TAOK1: variants seen among roughly 807,000 people sequenced by gnomAD.
The protein encoded by TAOK1 is TAO kinase 1.
A neutral mutation model predicts 138.3 loss-of-function variants in TAOK1; 21 were observed. That is an observed-to-expected ratio of 0.15 (90% CI 0.11 to 0.22). The LOEUF (loss-of-function observed/expected upper bound fraction) is 0.22. Among genes scored for constraint, TAOK1 ranks in the 10% least tolerant of loss-of-function variants. The pLI, the probability that TAOK1 is intolerant of heterozygous loss-of-function variation, is 1.00. For synonymous variants in TAOK1, 361 were observed against 398.4 expected (o/e 0.91, Z 1.12); for missense variants, 651 against 1,227.7 (o/e 0.53, Z 7.02).
chr17:29,436,094 C>T (rs1567717842), intron 1 of TAOK1, among the ~76,000 whole-genome samples: 1 of 152,204 alleles, frequency 6.6e-6, no homozygotes, highest in Non-Finnish European at 1.5e-5. Context: ...TGAGCCACTG[C>T]ACTCCAGCCT....
intron 18 of TAOK1, among the ~76,000 whole-genome samples, chr17:29,533,019 TGACCCCCA>T (rs2032152192): frequency 1.3e-4 from 1 of 7,790 alleles, no homozygotes. Flanking sequence ...GGCGGGGGGC[TGACCCCCA>T]CCTCCCTCCC....
At chr17:29,428,681 T>C (rs1361501369) in intron 1 of TAOK1, among the ~76,000 whole-genome samples, 3 of 152,248 alleles carry the variant, frequency 2.0e-5, no homozygotes, top group Admixed American at 6.6e-5. Flanking sequence ...TTACTCAGGC[T>C]GGAGTGCAGT....
At chr17:29,459,560 A>T (rs1366026756) in intron 2 of TAOK1, among the ~76,000 whole-genome samples, 1 of 152,074 alleles carries the variant, frequency 6.6e-6, no homozygotes, top group Non-Finnish European at 1.5e-5. Flanking sequence ...TACAGGCATG[A>T]GTCACCACAC....
At chr17:29,426,180 A>G (rs1324924604) in intron 1 of TAOK1, among the ~76,000 whole-genome samples, 1 of 152,154 alleles carries the variant, frequency 6.6e-6, no homozygotes, top group Non-Finnish European at 1.5e-5. Context: ...GCACCCGGCC[A>G]AGAATGAATC....
At position 29,543,257 on chromosome 17, in the gene TAOK1, T is replaced by C. The variant is rs775782408; in HGVS notation, c.*235T>C. 7.4e-6 allele frequency: 3 copies of C among 403,120 alleles called. No individual in the cohort carries two copies. The South Asian group carries it at 1.3e-4, about 18-fold the overall frequency. The allele number at this position is 403,120 out of a possible 1,614,324, so 25.0% of individuals were successfully genotyped here. A position where few individuals can be genotyped will look rare whatever the true frequency, so the allele number is the denominator to read the frequency against. On this transcript the variant is annotated 3_prime_UTR_variant, in exon 20 of 20. Coordinates refer to ENST00000261716, the MANE Select transcript of TAOK1 (RefSeq NM_020791.4). ...GAAATTTTGAAAAGTGGAGTTGATATTAAAAATAAATGTGTATGTGTGTAC... is the reference window on the plus strand; with the variant it reads ...GAAATTTTGAAAAGTGGAGTTGATACTAAAAATAAATGTGTATGTGTGTAC...
intron 2 of TAOK1, among the ~76,000 whole-genome samples, chr17:29,453,910 G>T (rs1179400281): frequency 6.6e-6 from 1 of 151,264 alleles, no homozygotes; most frequent in Non-Finnish European, 1.5e-5. Flanking sequence ...GTGGGCTCAG[G>T]TGTTCCTCCC....
chr17:29,526,494 C>T (rs575552766), intron 17 of TAOK1, among the ~76,000 whole-genome samples: 13 of 152,090 alleles, frequency 8.5e-5, no homozygotes, highest in Non-Finnish European at 1.8e-4. Context: ...CGGCTCACTG[C>T]AACCTCTGCC....
chr17:29,496,973 G>A (rs982678080), intron 11 of TAOK1, among the ~76,000 whole-genome samples: 3 of 152,024 alleles, frequency 2.0e-5, no homozygotes, highest in Admixed American at 6.6e-5. Flanking sequence ...AGGAACATGG[G>A]TTCAAATTCA....
At chr17:29,490,755 C>T (rs1184333826) in intron 9 of TAOK1, among the ~76,000 whole-genome samples, 2 of 152,144 alleles carry the variant, frequency 1.3e-5, no homozygotes, top group South Asian at 2.1e-4. Context: ...ATTTATTTCT[C>T]ACTTTCTGGA....
In TAOK1 at chr17:29,546,192, G is replaced by A. The variant is rs1283813162; in HGVS notation, c.*3170G>A. 1 of 152,042 alleles carries A rather than the reference G, an allele frequency of 6.6e-6. No individual in the cohort carries two copies. The highest frequency in any genetic ancestry group is 2.4e-5 in the African/African-American group (1 of 41,412). 9.4% of individuals were successfully genotyped at this position (152,042 alleles called of 1,614,324 possible). Reference sequence around the variant, plus strand: ...CTTATTCGCCATTTCAATACCTAGAGATAGAGAGTCTTGTATTTGAAGCCA... The same window carrying A: ...CTTATTCGCCATTTCAATACCTAGAAATAGAGAGTCTTGTATTTGAAGCCA... On this transcript the variant is annotated 3_prime_UTR_variant, in exon 20 of 20. Coordinates refer to ENST00000261716, the MANE Select transcript of TAOK1 (RefSeq NM_020791.4).
intron 3 of TAOK1, among the ~76,000 whole-genome samples, chr17:29,472,081 A>G (rs2030831394): frequency 6.6e-6 from 1 of 152,092 alleles, no homozygotes; most frequent in Non-Finnish European, 1.5e-5. Flanking sequence ...AAAGTCATCC[A>G]TGAGGGTTGG....
intron 1 of TAOK1, among the ~76,000 whole-genome samples, chr17:29,427,858 G>A (rs890210738): frequency 5.9e-5 from 9 of 151,726 alleles, no homozygotes; most frequent in South Asian, 2.1e-4. Context: ...ATCCGGGGGC[G>A]GAGGTTGCAG....
intron 13 of TAOK1, 78 bp downstream of exon 13, chr17:29,502,801 T>C: frequency 6.9e-7 from 1 of 1,442,002 alleles, no homozygotes; most frequent in Non-Finnish European, 9.3e-7. Context: ...TATAGCTATA[T>C]ATTGTTTTGT....
chr17:29,398,872 A>G (rs1205397883), intron 1 of TAOK1, among the ~76,000 whole-genome samples: 6 of 152,026 alleles, frequency 3.9e-5, no homozygotes, highest in Non-Finnish European at 7.4e-5. Context: ...TTTAAATAGG[A>G]TAATGCTTGC....
chr17:29,517,134 C>G (rs2031832003), intron 15 of TAOK1, among the ~76,000 whole-genome samples: 1 of 152,050 alleles, frequency 6.6e-6, no homozygotes, highest in Admixed American at 6.6e-5. Context: ...CTACGGGCAC[C>G]CGCCACCATG....
intron 2 of TAOK1, among the ~76,000 whole-genome samples, chr17:29,465,449 CCTTA>C (rs1203803668): frequency 6.6e-6 from 1 of 151,758 alleles, no homozygotes; most frequent in Non-Finnish European, 1.5e-5. Context: ...CGCGCCTGGC[CCTTA>C]CTTAATTTTT....
intron 7 of TAOK1, among the ~76,000 whole-genome samples, chr17:29,480,818 C>T (rs933078902): frequency 1.4e-5 from 2 of 146,060 alleles, no homozygotes; most frequent in Non-Finnish European, 3.0e-5. Context: ...TGGAGTGAGC[C>T]GAGATTGTGC....
chr17:29,548,142 T>C lies in TAOK1; in HGVS notation c.*5120T>C, dbSNP rs1229009935. 1 of 152,158 alleles carries C rather than the reference T, an allele frequency of 6.6e-6. No individual in the cohort carries two copies. The highest frequency in any genetic ancestry group is 2.4e-5 in the African/African-American group (1 of 41,448). The allele number at this position is 152,158 out of a possible 1,614,324, so 9.4% of individuals were successfully genotyped here. On this transcript the variant is annotated 3_prime_UTR_variant, in exon 20 of 20. Transcript: ENST00000261716. ...CTAATGTTTTCCTCCTTGTTTGTAT[T>C]CAGATTTCCAAAATTTCACTCATAC...
chr17:29,495,581 C>T lies in TAOK1; in HGVS notation c.853C>T (p.Arg285Cys), dbSNP rs1488639246. Residue 285 changes from arginine to cysteine, a missense_variant, in exon 11 of 20, where the codon CGC (arginine) becomes TGC (cysteine). Coordinates refer to ENST00000261716, the MANE Select transcript of TAOK1 (RefSeq NM_020791.4). ...LLKHIFVLRE[R>C]PETVLIDLIQ... is the part of the protein sequence containing the mutation. The stretch of plus-strand genomic sequence containing the variant: ...CTAGCACATATTTGTTCTTCGGGAG[C>T]GCCCTGAAACCGTGTTAATAGATCT... 6.3e-7 allele frequency: 1 copy of T among 1,598,934 alleles called. No individual in the cohort carries two copies. The highest frequency in any genetic ancestry group is 1.1e-5 in the South Asian group (1 of 88,260).
Sources: allele counts gnomAD v4.1 joint callset (sites outside exome capture counted in the v4.1 genomes callset), GRCh38; gene constraint gnomAD v4.1.1; transcripts MANE v1.5; gene names NCBI Gene and HGNC (gene_info 2026-07-23, HGNC 2026-07-21).